The following TRPM7 variants were observed in gnomAD, a reference collection of about 807,000 sequenced individuals.
TRPM7 encodes transient receptor potential cation channel subfamily M member 7.
Under a neutral mutation model 229.7 loss-of-function variants are expected in TRPM7, and 134 were observed. The ratio of observed to expected loss-of-function variants is 0.58; its 90% CI spans 0.51 to 0.67. The LOEUF (loss-of-function observed/expected upper bound fraction) is 0.67. Ranked by LOEUF, TRPM7 falls within the 30% of genes least tolerant of loss-of-function variation. TRPM7 has a pLI of 0.00. For missense variants in TRPM7, 1,901 were observed against 2,210.0 expected (o/e 0.86, Z 2.80); for synonymous variants, 699 against 715.2 (o/e 0.98, Z 0.36).
intron 10 of TRPM7, among the ~76,000 whole-genome samples, chr15:50,630,148 C>T (rs1023747066): frequency 1.3e-5 from 2 of 152,092 alleles, no homozygotes; most frequent in South Asian, 2.1e-4. Context: ...AGGTGTGAGC[C>T]AGCGCACGCA....
intron 38 of TRPM7, among the ~76,000 whole-genome samples, chr15:50,569,465 G>A (rs779016536): frequency 1.6e-4 from 24 of 152,128 alleles, no homozygotes; most frequent in Non-Finnish European, 2.9e-4. Flanking sequence ...GATCATTCCC[G>A]GACCTGGGTT....
intron 3 of TRPM7, among the ~76,000 whole-genome samples, chr15:50,650,940 G>C (rs2061405695): frequency 6.6e-6 from 1 of 152,164 alleles, no homozygotes; most frequent in African/African-American, 2.4e-5. Context: ...TGTAATCCTA[G>C]TATTTTTGAA....
chr15:50,685,979 T>C (rs1182702307), intron 1 of TRPM7, among the ~76,000 whole-genome samples: 1 of 152,188 alleles, frequency 6.6e-6, no homozygotes, highest in Non-Finnish European at 1.5e-5. Context: ...CCCTCCCTTT[T>C]GGTTCCAAAA....
rs537048185 is a variant in TRPM7, at chr15:50,654,930, T to G, written c.122+2851A>C. ...GCAGGAGAATGGCATGAACCCAGGA[T>G]GCAGAGCTTGCAGTGAGCTGAGACT... On this transcript the variant is annotated intron_variant, in intron 3 of 38. Coordinates refer to ENST00000646667, the MANE Select transcript of TRPM7 (RefSeq NM_017672.6). 4.2e-5 allele frequency among the ~76,000 whole-genome samples: 6 copies of G among 142,586 alleles called. No homozygotes were observed. In the East Asian group the frequency reaches 1.3e-3, roughly 30 times the overall value. 93.5% of individuals were successfully genotyped at this position (142,586 alleles called of 152,430 possible).
At chr15:50,654,271 C>A (rs552791782) in intron 3 of TRPM7, among the ~76,000 whole-genome samples, 16 of 149,024 alleles carry the variant, frequency 1.1e-4, no homozygotes, top group Admixed American at 2.0e-4. Flanking sequence ...CATAGTGAAA[C>A]CCCATCTCTA....
chr15:50,616,972 A>G (rs968431027), intron 13 of TRPM7, among the ~76,000 whole-genome samples: 1 of 152,006 alleles, frequency 6.6e-6, no homozygotes, highest in African/African-American at 2.4e-5. Flanking sequence ...AATTTGTGAA[A>G]TGTATTTCAA....
At position 50,629,644 on chromosome 15, in the gene TRPM7, A is replaced by G. The variant is rs144135813; in HGVS notation, c.1205-1395T>C. ...TGACCCATTTTTCTAAGAGGTAGTC[A>G]TCTTTTTCTTATTAATTTTTAACAG... is the stretch of plus-strand genomic sequence containing the variant. On this transcript the variant is annotated intron_variant, in intron 10 of 38. Coordinates refer to ENST00000646667, the MANE Select transcript of TRPM7 (RefSeq NM_017672.6). Among the ~76,000 whole-genome samples, 291 of 152,250 alleles carry G rather than the reference A, an allele frequency of 1.9e-3. 1 individual carries two copies. The highest frequency in any genetic ancestry group is 6.4e-3 in the African/African-American group (267 of 41,540).
At chr15:50,580,729 C>T (rs1019439639) in intron 30 of TRPM7, 145 bp downstream of exon 30, 3 of 610,942 alleles carry the variant, frequency 4.9e-6, no homozygotes, top group Admixed American at 7.2e-5. Context: ...CCCCTAATCT[C>T]ATCTATGTGA....
chr15:50,650,771 AG>A (rs1310061894), intron 3 of TRPM7, among the ~76,000 whole-genome samples: 1 of 152,234 alleles, frequency 6.6e-6, no homozygotes, highest in African/African-American at 2.4e-5. Flanking sequence ...AAGACCTGAA[AG>A]GATCAAACTG....
intron 2 of TRPM7, among the ~76,000 whole-genome samples, chr15:50,660,822 A>T (rs2061702833): frequency 6.6e-6 from 1 of 152,204 alleles, no homozygotes; most frequent in South Asian, 2.1e-4. Context: ...TAAGGGGGGA[A>T]AATCTTAAAT....
At chr15:50,686,107 T>C (rs2062354029) in intron 1 of TRPM7, among the ~76,000 whole-genome samples, 1 of 152,348 alleles carries the variant, frequency 6.6e-6, no homozygotes, top group South Asian at 2.1e-4. Context: ...CATGTAAAAC[T>C]TGAGCAGAGC....
chr15:50,584,648 T>C (rs2054601034), intron 28 of TRPM7, among the ~76,000 whole-genome samples: 1 of 151,886 alleles, frequency 6.6e-6, no homozygotes, highest in Non-Finnish European at 1.5e-5. Flanking sequence ...TTTGGAATAT[T>C]TGCATTATAC....
intron 2 of TRPM7, among the ~76,000 whole-genome samples, chr15:50,659,612 A>G (rs2061676324): frequency 6.6e-6 from 1 of 152,076 alleles, no homozygotes; most frequent in Admixed American, 6.6e-5. Context: ...TATTATTTCT[A>G]TTGCAAAGTG....
chr15:50,639,368 T>C lies in TRPM7; in HGVS notation c.660+56A>G. ...TATTTTAAACTGGCACTATTCTTAC[T>C]ATAATTTTGTTTACATATAATTTCA... On this transcript the variant is annotated intron_variant, in intron 6 of 38. Coordinates refer to ENST00000646667, the MANE Select transcript of TRPM7 (RefSeq NM_017672.6). 3.6e-6 allele frequency: 5 copies of C among 1,399,276 alleles called. No individual in the cohort carries two copies. The South Asian group carries it at 7.4e-5, about 21-fold the overall frequency. 86.7% of individuals were successfully genotyped at this position (1,399,276 alleles called of 1,614,324 possible).
At chr15:50,635,318 TAAAAAAAAA>T (rs71124393) in intron 7 of TRPM7, among the ~76,000 whole-genome samples, 4 of 42,914 alleles carry the variant, frequency 9.3e-5, no homozygotes, top group African/African-American at 3.8e-4. Context: ...CTCCCTCACA[TAAAAAAAAA>T]AAAAAAAAAA....
intron 1 of TRPM7, among the ~76,000 whole-genome samples, chr15:50,665,999 T>C (rs1233836223): frequency 6.6e-6 from 1 of 150,470 alleles, no homozygotes; most frequent in Non-Finnish European, 1.5e-5. Context: ...TCTCAAAAAA[T>C]AATAATTTAA....
At chr15:50,642,815 G>A (rs969503135) in intron 5 of TRPM7, among the ~76,000 whole-genome samples, 12 of 151,892 alleles carry the variant, frequency 7.9e-5, no homozygotes, top group Non-Finnish European at 1.3e-4. Context: ...GGCTGGATTT[G>A]GCACACAGGC....
chr15:50,577,983 T>C (rs368259599), intron 31 of TRPM7, among the ~76,000 whole-genome samples: 2 of 152,122 alleles, frequency 1.3e-5, no homozygotes, highest in East Asian at 1.9e-4. Flanking sequence ...TACAATTTCA[T>C]TTATATAGCC....
In TRPM7 at chr15:50,626,976, C is replaced by T. The variant is rs182797333; in HGVS notation, c.1305+1173G>A. Among the ~76,000 whole-genome samples the T allele has an allele frequency of 7.9e-5, 12 of 152,234 alleles. No individual in the cohort carries two copies. The East Asian group carries it at 2.3e-3, about 29-fold the overall frequency. ...AAGGAGAATTTGCCACAATTAAGAT[C>T]ATACTGTGCATACTTTTCTGCAATT... On this transcript the variant is annotated intron_variant, in intron 11 of 38. Coordinates refer to ENST00000646667, the MANE Select transcript of TRPM7 (RefSeq NM_017672.6).
Sources: allele counts gnomAD v4.1 joint callset (sites outside exome capture counted in the v4.1 genomes callset), GRCh38; gene constraint gnomAD v4.1.1; transcripts MANE v1.5; gene names NCBI Gene and HGNC (gene_info 2026-07-23, HGNC 2026-07-21).